F13A1: variants seen among roughly 807,000 people sequenced by gnomAD.
F13A1 encodes the protein coagulation factor XIII A chain.
Under a neutral mutation model 80.1 loss-of-function variants are expected in F13A1, and 47 were observed. That is an observed-to-expected ratio of 0.59 (90% CI 0.46 to 0.75). The LOEUF is 0.75. Ranked by LOEUF, F13A1 falls within the 30% of genes least tolerant of loss-of-function variation. F13A1 has a pLI of 0.00. For missense variants in F13A1, 817 were observed against 930.4 expected (o/e 0.88, Z 1.59); for synonymous variants, 349 against 344.9 (o/e 1.01, Z -0.13).
chr6:6,301,952 C>A (rs924463251), intron 3 of F13A1, among the ~76,000 whole-genome samples: 1 of 152,320 alleles, frequency 6.6e-6, no homozygotes, highest in South Asian at 2.1e-4. Flanking sequence ...CTCCCTCTGT[C>A]CAACAGTGAT....
intron 8 of F13A1, among the ~76,000 whole-genome samples, chr6:6,209,192 G>A (rs994432929): frequency 4.0e-5 from 6 of 151,874 alleles, no homozygotes; most frequent in African/African-American, 1.5e-4. Context: ...TAACCATTTT[G>A]CCAAAGAAGA....
rs189709072 is a variant in F13A1 at position 6,269,699 on chromosome 6, T to C, written c.320-2890A>G. On this transcript the variant is annotated intron_variant, in intron 3 of 14. Coordinates refer to ENST00000264870, the MANE Select transcript of F13A1 (RefSeq NM_000129.4). ...GGCCAAATGTAGCTTACCTACTGTTTTTTTTTTTGTTTGTTTTATTTTGTT... is the reference window on the plus strand; with the variant it reads ...GGCCAAATGTAGCTTACCTACTGTTCTTTTTTTTGTTTGTTTTATTTTGTT... Among the ~76,000 whole-genome samples the C allele has an allele frequency of 2.6e-5, 4 of 151,524 alleles. No individual in the cohort carries two copies. The East Asian group carries it at 7.7e-4, about 29-fold the overall frequency.
chr6:6,208,649 T>A (rs1761538343), intron 8 of F13A1, among the ~76,000 whole-genome samples: 1 of 152,190 alleles, frequency 6.6e-6, no homozygotes, highest in Non-Finnish European at 1.5e-5. Flanking sequence ...ATCTCTTTTT[T>A]ACTTTTTTTC....
intron 10 of F13A1, among the ~76,000 whole-genome samples, chr6:6,191,292 C>T (rs1761193524): frequency 6.6e-6 from 1 of 152,180 alleles, no homozygotes; most frequent in African/African-American, 2.4e-5. Flanking sequence ...CCTTGTCGGG[C>T]TGGTGGATAG....
chr6:6,212,864 G>C (rs1361449974), intron 8 of F13A1, among the ~76,000 whole-genome samples: 1 of 151,818 alleles, frequency 6.6e-6, no homozygotes, highest in Non-Finnish European at 1.5e-5. Context: ...AGCAAGGCTC[G>C]AGAACTAAGT....
At chr6:6,187,301 G>A (rs1489522523) in intron 10 of F13A1, among the ~76,000 whole-genome samples, 3 of 95,450 alleles carry the variant, frequency 3.1e-5, no homozygotes, top group Non-Finnish European at 6.2e-5. Context: ...TCTTGTGCCA[G>A]TTTTCAAAGG....
intron 8 of F13A1, among the ~76,000 whole-genome samples, chr6:6,210,138 G>T (rs1025261281): frequency 3.3e-5 from 5 of 151,530 alleles, no homozygotes; most frequent in African/African-American, 9.7e-5. Context: ...GCTGAGATGG[G>T]AAGATTGCTT....
At chr6:6,222,977 T>A (rs942862140) in intron 7 of F13A1, among the ~76,000 whole-genome samples, 1 of 152,154 alleles carries the variant, frequency 6.6e-6, no homozygotes, top group Non-Finnish European at 1.5e-5. Flanking sequence ...GGGCCTCCCG[T>A]TCCCATTTTC....
chr6:6,303,945 G>A (rs1225471151), intron 3 of F13A1, among the ~76,000 whole-genome samples: 1 of 152,076 alleles, frequency 6.6e-6, no homozygotes, highest in Non-Finnish European at 1.5e-5. Context: ...TATTAATACA[G>A]TGCTTTTTTC....
intron 12 of F13A1, among the ~76,000 whole-genome samples, chr6:6,169,602 A>G (rs2151073408): frequency 6.6e-6 from 1 of 152,306 alleles, no homozygotes; most frequent in East Asian, 1.9e-4. Context: ...AGTTGTCAAT[A>G]GGAGGCAATG....
chr6:6,152,458 A>G lies in F13A1; in HGVS notation c.1909-509T>C, dbSNP rs1760396405. Among the ~76,000 whole-genome samples, 3 of 152,332 alleles carry G rather than the reference A, an allele frequency of 2.0e-5. No homozygotes were observed. The South Asian group carries it at 6.2e-4, about 32-fold the overall frequency. Reference sequence around the variant, plus strand: ...GAACATGAAGAGGAACCTGGATACTAAAATAAGTAAAGGAGATTTTTCTTC... The same window carrying G: ...GAACATGAAGAGGAACCTGGATACTGAAATAAGTAAAGGAGATTTTTCTTC... On this transcript the variant is annotated intron_variant, in intron 13 of 14. Transcript: ENST00000264870.
chr6:6,258,196 C>T (rs1757728026), intron 4 of F13A1, among the ~76,000 whole-genome samples: 1 of 151,966 alleles, frequency 6.6e-6, no homozygotes, highest in Non-Finnish European at 1.5e-5. Flanking sequence ...CCAGGGTTAG[C>T]CTCAGTTTGT....
At chr6:6,174,518 C>T in intron 12 of F13A1, 62 bp downstream of exon 12, 1 of 1,575,676 alleles carries the variant, frequency 6.3e-7, no homozygotes, top group Non-Finnish European at 8.7e-7. Context: ...CGGGCATTAA[C>T]ACCTAGCAAG....
At chr6:6,189,860 C>G (rs1231069199) in intron 10 of F13A1, among the ~76,000 whole-genome samples, 1 of 152,044 alleles carries the variant, frequency 6.6e-6, no homozygotes, top group Admixed American at 6.6e-5. Flanking sequence ...TTCAGGTACA[C>G]CAGTGAGACG....
chr6:6,306,717 C>A (rs1271253399), intron 2 of F13A1, among the ~76,000 whole-genome samples: 1 of 152,268 alleles, frequency 6.6e-6, no homozygotes, highest in Non-Finnish European at 1.5e-5. Flanking sequence ...TGCCCTCCCC[C>A]TCCCTGCCCC....
chr6:6,242,234 A>G (rs1757492584), intron 6 of F13A1, among the ~76,000 whole-genome samples: 1 of 152,220 alleles, frequency 6.6e-6, no homozygotes, highest in Non-Finnish European at 1.5e-5. Context: ...AGAAAAATCC[A>G]GGACCTACTC....
At chr6:6,251,050 G>A (rs2113102639) in intron 4 of F13A1, 121 bp from the exon 5 acceptor site, 3 of 799,782 alleles carry the variant, frequency 3.8e-6, no homozygotes, top group East Asian at 4.9e-5. Context: ...TTTAAAAAAT[G>A]CCCTTTGTTT....
At chr6:6,281,350 T>C (rs747440518) in intron 3 of F13A1, among the ~76,000 whole-genome samples, 7 of 152,152 alleles carry the variant, frequency 4.6e-5, no homozygotes, top group Non-Finnish European at 8.8e-5. Context: ...AGTCTCAATG[T>C]AATTTCTTCT....
chr6:6,275,719 T>A (rs1462407939), intron 3 of F13A1, among the ~76,000 whole-genome samples: 1 of 152,184 alleles, frequency 6.6e-6, no homozygotes, highest in African/African-American at 2.4e-5. Context: ...AGTCATTCCC[T>A]CTAACCCAAA....
Sources: gnomAD v4.1 joint callset for allele counts (sites outside exome capture counted in the v4.1 genomes callset) on GRCh38, gnomAD v4.1.1 for gene constraint, MANE v1.5 for transcripts, NCBI Gene and HGNC (gene_info 2026-07-23, HGNC 2026-07-21) for gene names.